The following OSBPL10 variants were observed in gnomAD, a reference collection of about 807,000 sequenced individuals.
The protein encoded by OSBPL10 is oxysterol-binding protein-related protein 10.
A neutral mutation model predicts 81.7 loss-of-function variants in OSBPL10; 49 were observed. The observed-to-expected ratio is 0.60, with a 90% CI of 0.48 to 0.76. The LOEUF (loss-of-function observed/expected upper bound fraction) is 0.76. OSBPL10 is among the 30% of genes least tolerant of loss of function. The pLI is 0.00. For missense variants in OSBPL10, 923 were observed against 987.8 expected, an observed-to-expected ratio of 0.93 and a Z score of 0.88; for synonymous variants, 419 against 383.6, an observed-to-expected ratio of 1.09 and a Z score of -1.08.
intron 4 of OSBPL10, among the ~76,000 whole-genome samples, chr3:31,769,280 T>G (rs990096093): frequency 6.6e-6 from 1 of 150,948 alleles, no homozygotes; most frequent in Non-Finnish European, 1.5e-5. Context: ...CCGTCTCTAC[T>G]AAAAAACACA....
At position 31,963,142 on chromosome 3, in the gene OSBPL10, G is replaced by C. The variant is rs925567495; in HGVS notation, c.281+17757C>G. ...CCTTCACACAGATTCAAAAATTATT[G>C]ATGTTTGCGTACATCTGCTTTATCA... On this transcript the variant is annotated intron_variant, in intron 1 of 11. Transcript: ENST00000396556. 2.6e-5 allele frequency among the ~76,000 whole-genome samples: 4 copies of C among 151,792 alleles called. No individual in the cohort carries two copies. In the East Asian group the frequency reaches 7.7e-4, roughly 29 times the overall value.
intron 2 of OSBPL10, chr3:31,988,982 T>C: frequency 6.6e-7 from 1 of 1,508,386 alleles, no homozygotes; most frequent in Non-Finnish European, 9.0e-7. Context: ...ACGAAGTTTG[T>C]GATAATTTGT....
chr3:31,735,461 G>T (rs1019297808), intron 5 of OSBPL10, among the ~76,000 whole-genome samples: 1 of 152,086 alleles, frequency 6.6e-6, no homozygotes, highest in Non-Finnish European at 1.5e-5. Flanking sequence ...ATTAATAAAG[G>T]TCCCAAGTGG....
chr3:31,949,049 T>C (rs1697785705), intron 1 of OSBPL10, among the ~76,000 whole-genome samples: 1 of 152,234 alleles, frequency 6.6e-6, no homozygotes, highest in Non-Finnish European at 1.5e-5. Context: ...GTCAAATCAA[T>C]TAACTCATTA....
At chr3:31,803,381 T>C (rs755923486) in intron 4 of OSBPL10, among the ~76,000 whole-genome samples, 33 of 152,332 alleles carry the variant, frequency 2.2e-4, no homozygotes, top group Admixed American at 5.9e-4. Flanking sequence ...CCTTCTCACA[T>C]GCTTCAAAGC....
intron 2 of OSBPL10, among the ~76,000 whole-genome samples, chr3:32,008,103 G>A (rs989167995): frequency 1.3e-5 from 2 of 151,924 alleles, no homozygotes; most frequent in Non-Finnish European, 2.9e-5. Flanking sequence ...ACATTTGGGG[G>A]CCATTACTCA....
At chr3:31,980,163 C>T (rs1698793339) in intron 1 of OSBPL10, among the ~76,000 whole-genome samples, 2 of 151,906 alleles carry the variant, frequency 1.3e-5, no homozygotes, top group Admixed American at 1.3e-4. Flanking sequence ...CCGCCACGCC[C>T]GGCTAATTTT....
chr3:31,663,816 T>C (rs1700120490), intron 11 of OSBPL10: 2 of 1,384,988 alleles, frequency 1.4e-6, no homozygotes, highest in Non-Finnish European at 1.9e-6. Flanking sequence ...ACAGGCAGGC[T>C]GACATGCTTT....
rs1700527761 is a variant in OSBPL10 at position 31,678,047 on chromosome 3, G to A, written c.1726+5587C>T. On this transcript the variant is annotated intron_variant, in intron 8 of 11. Coordinates refer to ENST00000396556, the MANE Select transcript of OSBPL10 (RefSeq NM_017784.5). ...AGTGAGCCGAGATTGCGCCACTGCA[G>A]TCCGCAGTCCGGCCTGGGCGACAGA... 2.1e-5 allele frequency among the ~76,000 whole-genome samples: 3 copies of A among 141,366 alleles called. No homozygotes were observed. In the South Asian group the frequency reaches 6.7e-4, roughly 32 times the overall value. 92.7% of individuals were successfully genotyped at this position (141,366 alleles called of 152,430 possible).
intron 4 of OSBPL10, among the ~76,000 whole-genome samples, chr3:31,810,333 T>C (rs550947097): frequency 1.8e-4 from 28 of 152,346 alleles, no homozygotes; most frequent in Non-Finnish European, 2.9e-4. Flanking sequence ...ATTTTTATTA[T>C]ATGTAATATG....
At position 31,779,496 on chromosome 3, in the gene OSBPL10, G is replaced by C. The variant is rs535716281; in HGVS notation, c.730-31376C>G. On this transcript the variant is annotated intron_variant, in intron 4 of 11. Transcript: ENST00000396556. ...ACATTACATAATGATAAAATGATCA[G>C]TCCAACAGGAAAAAATCGCAACCCT... is the stretch of plus-strand genomic sequence containing the variant. Among the ~76,000 whole-genome samples the C allele has an allele frequency of 2.0e-5, 3 of 152,266 alleles. No individual in the cohort carries two copies. The East Asian group carries it at 5.8e-4, about 29-fold the overall frequency.
At chr3:31,834,177 G>C (rs1700317036) in intron 3 of OSBPL10, among the ~76,000 whole-genome samples, 1 of 152,144 alleles carries the variant, frequency 6.6e-6, no homozygotes, top group South Asian at 2.1e-4. Flanking sequence ...TCCAGGTTTT[G>C]TTTCAAAATT....
intron 1 of OSBPL10, among the ~76,000 whole-genome samples, chr3:31,933,033 C>T (rs1207546466): frequency 6.6e-6 from 1 of 152,116 alleles, no homozygotes; most frequent in African/African-American, 2.4e-5. Context: ...TCCTTTCCAA[C>T]AAATACAGTA....
At chr3:31,838,144 G>T (rs1320652017) in intron 3 of OSBPL10, among the ~76,000 whole-genome samples, 1 of 152,078 alleles carries the variant, frequency 6.6e-6, no homozygotes, top group Non-Finnish European at 1.5e-5. Context: ...ATGGAAATAC[G>T]CACACATACA....
chr3:32,055,243 G>T (rs189603398), intron 1 of OSBPL10, among the ~76,000 whole-genome samples: 1 of 108,346 alleles, frequency 9.2e-6, no homozygotes, highest in East Asian at 3.3e-4. Context: ...TCGCTCTGTC[G>T]CCCAGGCTGG....
intron 2 of OSBPL10, among the ~76,000 whole-genome samples, chr3:32,027,348 T>C (rs553288409): frequency 6.6e-6 from 1 of 152,212 alleles, no homozygotes; most frequent in South Asian, 2.1e-4. Flanking sequence ...AACAATGAAA[T>C]ATGGGTCAGA....
chr3:31,665,415 A>G (rs112450868), intron 10 of OSBPL10, among the ~76,000 whole-genome samples: 2 of 152,164 alleles, frequency 1.3e-5, no homozygotes, highest in Non-Finnish European at 2.9e-5. Flanking sequence ...GCCGGGGAGC[A>G]TATCTACAGC....
chr3:31,923,081 G>A (rs1308893717), intron 1 of OSBPL10, among the ~76,000 whole-genome samples: 1 of 152,150 alleles, frequency 6.6e-6, no homozygotes, highest in Non-Finnish European at 1.5e-5. Flanking sequence ...CAAGGTCCAG[G>A]ACCATAAATG....
At chr3:31,965,698 A>AAT (rs377361089) in intron 1 of OSBPL10, among the ~76,000 whole-genome samples, 883 of 42,268 alleles carry the variant, frequency 0.021, 187 homozygotes, top group South Asian at 0.064. Context: ...TAAAATATAT[A>AAT]ATATATTATA....
Sources: allele counts gnomAD v4.1 joint callset (sites outside exome capture counted in the v4.1 genomes callset), GRCh38; gene constraint gnomAD v4.1.1; transcripts MANE v1.5; gene names NCBI Gene and HGNC (gene_info 2026-07-23, HGNC 2026-07-21).